The following AFF3 variants were observed in gnomAD, a reference collection of about 807,000 sequenced individuals.
The protein encoded by AFF3 is ALF transcription elongation factor 3.
A neutral mutation model predicts 129.7 loss-of-function variants in AFF3; 32 were observed. The observed-to-expected ratio is 0.25, with a 90% CI of 0.19 to 0.33. The LOEUF is 0.33. Ranked by LOEUF, AFF3 falls within the 10% of genes least tolerant of loss-of-function variation. The probability of loss-of-function intolerance (pLI) is 1.00; values close to 1 mark genes in which losing one functional copy is unlikely to be tolerated. For synonymous variants in AFF3, 644 were observed against 635.4 expected, an observed-to-expected ratio of 1.01 and a Z score of -0.20; for missense variants, 1,373 against 1,592.0, an observed-to-expected ratio of 0.86 and a Z score of 2.34.
At chr2:99,993,874 C>T (rs977896166) in intron 7 of AFF3, among the ~76,000 whole-genome samples, 8 of 123,564 alleles carry the variant, frequency 6.5e-5, no homozygotes, top group East Asian at 2.7e-4. Context: ...GGTGTGATCT[C>T]GGCTCATTGC....
At chr2:99,707,199 C>A (rs749500440) in intron 11 of AFF3, 179 of 985,280 alleles carry the variant, frequency 1.8e-4, no homozygotes, top group Non-Finnish European at 2.1e-4. Flanking sequence ...TATTCTTCCC[C>A]ATCCACAGTT....
chr2:99,771,193 G>A (rs1683447894), intron 8 of AFF3, among the ~76,000 whole-genome samples: 1 of 152,148 alleles, frequency 6.6e-6, no homozygotes, highest in African/African-American at 2.4e-5. Context: ...TCACTTATAA[G>A]TGGGAGTTGA....
At chr2:99,917,566 C>A (rs1695558561) in intron 7 of AFF3, among the ~76,000 whole-genome samples, 1 of 152,100 alleles carries the variant, frequency 6.6e-6, no homozygotes, top group Admixed American at 6.6e-5. Flanking sequence ...AGGTGAACAA[C>A]CCCTAAAGAG....
At chr2:99,624,335 C>T (rs1054548543) in intron 13 of AFF3, among the ~76,000 whole-genome samples, 1 of 152,154 alleles carries the variant, frequency 6.6e-6, no homozygotes, top group Non-Finnish European at 1.5e-5. Context: ...TTTAAATAAG[C>T]TGGAGTCCCA....
In AFF3 at chr2:99,567,135, T is replaced by A. The variant is rs1483645668; in HGVS notation, c.2983-1512A>T. On this transcript the variant is annotated intron_variant, in intron 19 of 24. Transcript: ENST00000672756. Reference sequence around the variant, plus strand: ...GGTGTGCACCACCACACCTGGCTCATTTTTTTTTTTTTTTTTGTATTTTTA... The same window carrying A: ...GGTGTGCACCACCACACCTGGCTCAATTTTTTTTTTTTTTTTGTATTTTTA... 2.8e-4 allele frequency among the ~76,000 whole-genome samples: 17 copies of A among 60,276 alleles called. No homozygotes were observed. The African/African-American group carries it at 3.2e-3, about 11-fold the overall frequency. The allele number at this position is 60,276 out of a possible 152,430, so 39.5% of individuals were successfully genotyped here.
At chr2:99,585,369 C>T (rs989472963) in intron 16 of AFF3, among the ~76,000 whole-genome samples, 7 of 152,190 alleles carry the variant, frequency 4.6e-5, no homozygotes, top group Non-Finnish European at 7.3e-5. Context: ...TTCTCTTGGA[C>T]TGCTGTACAG....
At chr2:99,648,938 C>CTCTCTCTCTCTTTCT (rs56856050) in intron 13 of AFF3, among the ~76,000 whole-genome samples, 1 of 146,516 alleles carries the variant, frequency 6.8e-6, no homozygotes, top group African/African-American at 2.5e-5. Context: ...CTCTCTCTCT[C>CTCTCTCTCTCTTTCT]CAATCTTAGT....
At chr2:99,706,227 C>A (rs1433923997) in intron 11 of AFF3, among the ~76,000 whole-genome samples, 3 of 152,246 alleles carry the variant, frequency 2.0e-5, no homozygotes, top group Admixed American at 2.0e-4. Flanking sequence ...AAAAGCTCCA[C>A]AAGTGCTCTG....
chr2:99,975,742 C>A (rs554709443), intron 7 of AFF3, among the ~76,000 whole-genome samples: 2 of 143,770 alleles, frequency 1.4e-5, no homozygotes, highest in Non-Finnish European at 3.0e-5. Flanking sequence ...CACTCATTAC[C>A]TTTTCCCTCC....
At chr2:99,666,424 AATGTT>A (rs1173387926) in intron 12 of AFF3, among the ~76,000 whole-genome samples, 1 of 152,214 alleles carries the variant, frequency 6.6e-6, no homozygotes, top group Admixed American at 6.5e-5. Context: ...TACACATAAA[AATGTT>A]ACAGACAAAT....
chr2:100,135,747 A>C (rs780140825), intron 1 of AFF3, among the ~76,000 whole-genome samples: 1 of 152,222 alleles, frequency 6.6e-6, no homozygotes, highest in African/African-American at 2.4e-5. Context: ...AGTTCTGAGC[A>C]GTCATATATT....
intron 7 of AFF3, among the ~76,000 whole-genome samples, chr2:99,878,844 A>G (rs1273455139): frequency 6.6e-6 from 1 of 152,230 alleles, no homozygotes; most frequent in East Asian, 1.9e-4. Context: ...TAAACTTCAC[A>G]GAGATTTAAA....
intron 13 of AFF3, among the ~76,000 whole-genome samples, chr2:99,622,170 G>A (rs1425706709): frequency 6.6e-6 from 1 of 152,220 alleles, no homozygotes; most frequent in Non-Finnish European, 1.5e-5. Context: ...CACTGCTGGA[G>A]TGGAGGGAAA....
chr2:99,759,224 A>G (rs1682381139), intron 8 of AFF3, among the ~76,000 whole-genome samples: 1 of 152,086 alleles, frequency 6.6e-6, no homozygotes, highest in South Asian at 2.1e-4. Flanking sequence ...ATGAATATGT[A>G]CTTCAATCTA....
intron 7 of AFF3, among the ~76,000 whole-genome samples, chr2:99,875,256 G>T (rs1004949169): frequency 4.6e-5 from 7 of 152,046 alleles, no homozygotes; most frequent in African/African-American, 1.7e-4. Context: ...CCCGAGGCCT[G>T]TGGTTCTGGG....
At chr2:99,807,304 C>T (rs189714687) in intron 8 of AFF3, among the ~76,000 whole-genome samples, 9 of 152,258 alleles carry the variant, frequency 5.9e-5, no homozygotes, top group African/African-American at 2.2e-4. Flanking sequence ...GGTCTGTTGG[C>T]TCCCGAAGTC....
chr2:99,588,008 CAAA>C (rs34481706), intron 15 of AFF3, among the ~76,000 whole-genome samples: 1 of 106,900 alleles, frequency 9.4e-6, no homozygotes, highest in Admixed American at 9.5e-5. Flanking sequence ...GACTCCGTCT[CAAA>C]AAAAAAAAAA....
chr2:99,592,713 C>G (rs1022740614), intron 15 of AFF3, among the ~76,000 whole-genome samples: 6 of 152,194 alleles, frequency 3.9e-5, no homozygotes, highest in Non-Finnish European at 7.3e-5. Flanking sequence ...GCAGGCAGAT[C>G]ACTTGAGGTC....
chr2:99,804,656 C>G (rs1686205385), intron 8 of AFF3, among the ~76,000 whole-genome samples: 1 of 152,178 alleles, frequency 6.6e-6, no homozygotes, highest in Non-Finnish European at 1.5e-5. Flanking sequence ...CAGCACAATT[C>G]ACAATTGCAA....
Sources: gnomAD v4.1 joint callset for allele counts (sites outside exome capture counted in the v4.1 genomes callset) on GRCh38, gnomAD v4.1.1 for gene constraint, MANE v1.5 for transcripts, NCBI Gene and HGNC (gene_info 2026-07-23, HGNC 2026-07-21) for gene names.